Variants in CDH3 observed in about 807,000 individuals in gnomAD.
The protein encoded by CDH3 is cadherin 3, also known as cadherin-3.
A neutral mutation model predicts 82.0 loss-of-function variants in CDH3; 54 were observed. The observed-to-expected ratio is 0.66, with a 90% CI of 0.53 to 0.83. The LOEUF (loss-of-function observed/expected upper bound fraction) is 0.83, where lower values mean the gene tolerates loss of function less well. Ranked by LOEUF, CDH3 falls within the 40% of genes least tolerant of loss-of-function variation. The pLI, the probability that CDH3 is intolerant of heterozygous loss-of-function variation, is 0.00. For missense variants in CDH3, 1,054 were observed against 1,084.6 expected (o/e 0.97, Z 0.40); for synonymous variants, 446 against 437.9 (o/e 1.02, Z -0.23).
chr16:68,646,540 G>T (rs1281223689), intron 2 of CDH3, among the ~76,000 whole-genome samples: 3 of 151,864 alleles, frequency 2.0e-5, no homozygotes, highest in Admixed American at 6.6e-5. Flanking sequence ...AAACCTGAGG[G>T]GGTGGGCGGT....
intron 8 of CDH3, among the ~76,000 whole-genome samples, chr16:68,681,482 A>T (rs1448494941): frequency 6.6e-6 from 1 of 152,236 alleles, no homozygotes; most frequent in African/African-American, 2.4e-5. Context: ...TCAAGGTGCC[A>T]ATTACATCCT....
At chr16:68,725,394 C>T (rs527381405) in intron 2 of CDH3, among the ~76,000 whole-genome samples, 1 of 151,928 alleles carries the variant, frequency 6.6e-6, no homozygotes, top group African/African-American at 2.4e-5. Flanking sequence ...AGTGCAGTGG[C>T]CCGATCTCGG....
chr16:68,698,215 C>T lies in CDH3; in HGVS notation c.2305C>T (p.Pro769Ser), dbSNP rs775268226. The change falls in exon 16 of 16, where the codon CCC becomes TCC. Residue 769 changes from proline (P) to serine (S), a missense_variant. Coordinates refer to ENST00000264012, the MANE Select transcript of CDH3 (RefSeq NM_001793.6). ...GAACCTGAAGGCGGCTAACACAGAC[C>T]CCACAGCCCCGCCCTACGACACCCT... ...IENLKAANTD[P>S]TAPPYDTLLV... 4.3e-5 allele frequency: 69 copies of T among 1,614,094 alleles called. No homozygotes were observed. The highest frequency in any genetic ancestry group is 4.6e-5 in the Non-Finnish European group (54 of 1,180,044).
intron 2 of CDH3, chr16:68,646,050 C>A (rs903888802): frequency 6.7e-6 from 3 of 450,258 alleles, no homozygotes; most frequent in Non-Finnish European, 1.2e-5. Flanking sequence ...AGTTCTCCCC[C>A]GCTGGCCCCA....
rs780694031 is a variant in CDH3 at position 68,695,400 on chromosome 16, G to A, written c.2133+15G>A. 6.3e-7 allele frequency: 1 copy of A among 1,599,512 alleles called. No homozygotes were observed. The highest frequency in any genetic ancestry group is 8.5e-7 in the Non-Finnish European group (1 of 1,173,430). On this transcript the variant is annotated intron_variant, in intron 14 of 15. Coordinates refer to ENST00000264012, the MANE Select transcript of CDH3 (RefSeq NM_001793.6). ...AAGAGGACCAGGTGGGGCACTGGGG[G>A]CTCTGGGATTGGGAGGTGGATGCCC...
At chr16:68,711,110 A>G (rs1962024376) in intron 1 of CDH3, among the ~76,000 whole-genome samples, 1 of 151,846 alleles carries the variant, frequency 6.6e-6, no homozygotes, top group Non-Finnish European at 1.5e-5. Context: ...CGGGAGTTTG[A>G]GACCAGCCTG....
At chr16:68,715,673 G>A (rs1165580600) in intron 1 of CDH3, among the ~76,000 whole-genome samples, 1 of 152,176 alleles carries the variant, frequency 6.6e-6, no homozygotes, top group Admixed American at 6.5e-5. Flanking sequence ...TCTTTGCCCT[G>A]AGAAGCCGCC....
At chr16:68,714,298 C>T (rs937545745) in intron 1 of CDH3, among the ~76,000 whole-genome samples, 2 of 152,124 alleles carry the variant, frequency 1.3e-5, no homozygotes, top group Non-Finnish European at 2.9e-5. Flanking sequence ...TACCCTCACC[C>T]CAGCACCAAG....
At chr16:68,704,905 T>G (rs1036900866), downstream of CDH3, among the ~76,000 whole-genome samples, 2 of 152,112 alleles carry the variant, frequency 1.3e-5, no homozygotes, top group Non-Finnish European at 2.9e-5. Context: ...AAAAACAATT[T>G]TTTTTGATTC....
intron 2 of CDH3, among the ~76,000 whole-genome samples, chr16:68,725,482 C>T (rs1332134067): frequency 6.6e-6 from 1 of 151,852 alleles, no homozygotes; most frequent in African/African-American, 2.4e-5. Context: ...TACAGGCGCC[C>T]GCCACCACGC....
chr16:68,700,684 A>G (rs1442434775), downstream of CDH3, among the ~76,000 whole-genome samples: 1 of 152,186 alleles, frequency 6.6e-6, no homozygotes, highest in Non-Finnish European at 1.5e-5. Context: ...CGGCCTACAC[A>G]CACATTTTTG....
intron 12 of CDH3, among the ~76,000 whole-genome samples, chr16:68,690,198 G>T (rs71395873): frequency 1.3e-5 from 2 of 152,210 alleles, no homozygotes; most frequent in Non-Finnish European, 2.9e-5. Flanking sequence ...AATACCTGCT[G>T]CAGCCTCATT....
In CDH3 at chr16:68,645,737, G is replaced by A. The variant is rs1487775954; in HGVS notation, c.147G>A (p.Gln49=). Residue 49 remains glutamine (Q), a synonymous_variant, in exon 2 of 16, where the codon CAG becomes CAA. Transcript: ENST00000264012. Reference sequence around the variant, plus strand: ...GAGGCGCGGAGCAGGAGCCCGGCCAGGCGCTGGGGAAAGGTAAGATCCTCA... The same window carrying A: ...GAGGCGCGGAGCAGGAGCCCGGCCAAGCGCTGGGGAAAGGTAAGATCCTCA... ...EAGGAEQEPG[Q]ALGKVFMGCP... is the part of the protein sequence containing the mutation. The A allele has an allele frequency of 6.5e-7, 1 of 1,544,520 alleles. No individual in the cohort carries two copies. Among genetic ancestry groups the A allele is most frequent in the Non-Finnish European group, 8.7e-7 (1 of 1,146,130 alleles).
chr16:68,723,363 G>A (rs1962184932), intron 2 of CDH3, among the ~76,000 whole-genome samples: 1 of 150,314 alleles, frequency 6.7e-6, no homozygotes. Flanking sequence ...ATACTGAAAA[G>A]CAATAAACAG....
chr16:68,685,095 C>A, intron 10 of CDH3, 110 bp from the exon 11 acceptor site: 1 of 1,332,650 alleles, frequency 7.5e-7, no homozygotes, highest in Non-Finnish European at 1.1e-6. Flanking sequence ...TCCATATGAT[C>A]CTGCTTAGGA....
intron 2 of CDH3, among the ~76,000 whole-genome samples, chr16:68,673,974 T>TA (rs1315082457): frequency 3.3e-5 from 5 of 152,226 alleles, no homozygotes; most frequent in Non-Finnish European, 5.9e-5. Context: ...TTTTGACTAT[T>TA]ATGAATAACA....
chr16:68,700,946 G>T (rs1486288137), downstream of CDH3, among the ~76,000 whole-genome samples: 1 of 152,126 alleles, frequency 6.6e-6, no homozygotes, highest in Non-Finnish European at 1.5e-5. Context: ...CTCTCCCACT[G>T]AGCTGGGGCC....
At chr16:68,713,098 G>A (rs9933844) in intron 1 of CDH3, among the ~76,000 whole-genome samples, 38,177 of 151,726 alleles carry the variant, frequency 0.25, 4,905 homozygotes, top group Admixed American at 0.29. Flanking sequence ...CCCACTCTCT[G>A]TGTCTCTATG....
downstream of CDH3, among the ~76,000 whole-genome samples, chr16:68,700,875 C>A (rs1399805357): frequency 6.6e-6 from 1 of 152,062 alleles, no homozygotes; most frequent in South Asian, 2.1e-4. Flanking sequence ...GGTATGAAGT[C>A]GGATGAGAAA....
Sources: allele counts gnomAD v4.1 joint callset (sites outside exome capture counted in the v4.1 genomes callset), GRCh38; gene constraint gnomAD v4.1.1; transcripts MANE v1.5; gene names NCBI Gene and HGNC (gene_info 2026-07-23, HGNC 2026-07-21).